The following PTPRT variants were observed in gnomAD, a reference collection of about 807,000 sequenced individuals.
PTPRT encodes protein tyrosine phosphatase receptor type T.
PTPRT carries 56 observed loss-of-function variants against 176.8 expected under a neutral mutation model. The ratio of observed to expected loss-of-function variants is 0.32; its 90% CI spans 0.26 to 0.40. The LOEUF is 0.40. Ranked by LOEUF, PTPRT falls within the 10% of genes least tolerant of loss-of-function variation. The pLI, the probability that PTPRT is intolerant of heterozygous loss-of-function variation, is 1.00. For missense variants in PTPRT, 1,540 were observed against 1,908.2 expected, an observed-to-expected ratio of 0.81 and a Z score of 3.60; for synonymous variants, 783 against 739.0, an observed-to-expected ratio of 1.06 and a Z score of -0.96.
chr20:42,660,046 G>GA (rs1300103613), intron 7 of PTPRT, among the ~76,000 whole-genome samples: 1 of 152,178 alleles, frequency 6.6e-6, no homozygotes, highest in African/African-American at 2.4e-5. Flanking sequence ...AAATGACAGT[G>GA]ATCATCTGAA....
intron 7 of PTPRT, among the ~76,000 whole-genome samples, chr20:42,527,445 G>A (rs139594686): frequency 9.8e-5 from 15 of 152,286 alleles, no homozygotes; most frequent in Non-Finnish European, 1.9e-4. Flanking sequence ...AGCCACAGAT[G>A]TCATCTCTCA....
intron 15 of PTPRT, among the ~76,000 whole-genome samples, chr20:42,227,731 C>T (rs1448826664): frequency 1.3e-5 from 2 of 151,398 alleles, no homozygotes; most frequent in South Asian, 2.1e-4. Flanking sequence ...CCTCAGCCTC[C>T]CAAGTAGCTG....
At chr20:42,437,729 T>C (rs1487711557) in intron 9 of PTPRT, among the ~76,000 whole-genome samples, 2 of 152,174 alleles carry the variant, frequency 1.3e-5, no homozygotes, top group Non-Finnish European at 2.9e-5. Flanking sequence ...AACCACCTGC[T>C]AGCTCCCGAG....
intron 1 of PTPRT, among the ~76,000 whole-genome samples, chr20:42,959,916 T>TCA (rs1981891163): frequency 6.6e-6 from 1 of 152,104 alleles, no homozygotes; most frequent in Admixed American, 6.5e-5. Flanking sequence ...TGGAGGGGAC[T>TCA]CACTCCTTAC....
chr20:42,560,292 G>T (rs779669779), intron 7 of PTPRT, among the ~76,000 whole-genome samples: 2 of 152,188 alleles, frequency 1.3e-5, no homozygotes, highest in Admixed American at 6.5e-5. Flanking sequence ...GGATGGCGAG[G>T]TTGGGCAGTG....
chr20:42,115,944 G>A (rs899685665), intron 21 of PTPRT: 31 of 686,528 alleles, frequency 4.5e-5, no homozygotes, highest in African/African-American at 3.9e-4. Flanking sequence ...GACCCTGGAC[G>A]CGAGCAAGCC....
At chr20:42,593,056 C>A (rs776737874) in intron 7 of PTPRT, among the ~76,000 whole-genome samples, 47 of 152,162 alleles carry the variant, frequency 3.1e-4, no homozygotes, top group Non-Finnish European at 1.2e-4. Context: ...AATCTTCCGA[C>A]TAAGTAATAG....
At chr20:42,478,733 A>AT (rs1218181612) in intron 7 of PTPRT, among the ~76,000 whole-genome samples, 8 of 151,524 alleles carry the variant, frequency 5.3e-5, no homozygotes, top group African/African-American at 4.9e-5. Flanking sequence ...CCTCGATGAC[A>AT]TTTTTTTTCC....
At chr20:42,909,684 A>G (rs1473198049) in intron 1 of PTPRT, among the ~76,000 whole-genome samples, 1 of 152,144 alleles carries the variant, frequency 6.6e-6, no homozygotes, top group African/African-American at 2.4e-5. Context: ...CCCATCCAGC[A>G]TTTACCAACC....
intron 12 of PTPRT, among the ~76,000 whole-genome samples, chr20:42,309,806 A>C (rs2057599428): frequency 1.3e-5 from 2 of 152,190 alleles, no homozygotes; most frequent in South Asian, 4.1e-4. Context: ...AGCTAAAAAA[A>C]CAAAAAACCC....
intron 9 of PTPRT, among the ~76,000 whole-genome samples, chr20:42,434,525 A>T (rs138711550): frequency 1.9e-3 from 282 of 152,232 alleles, no homozygotes; most frequent in South Asian, 5.4e-3. Flanking sequence ...AAGACTTGGG[A>T]CATAATCTTA....
intron 13 of PTPRT, among the ~76,000 whole-genome samples, chr20:42,262,370 C>T (rs548984749): frequency 2.0e-5 from 3 of 152,270 alleles, no homozygotes; most frequent in South Asian, 2.1e-4. Flanking sequence ...TGACTGCCCA[C>T]GATTCCTGCC....
intron 1 of PTPRT, among the ~76,000 whole-genome samples, chr20:42,988,787 CGGA>C (rs1361764881): frequency 4.6e-5 from 7 of 152,110 alleles, no homozygotes; most frequent in African/African-American, 1.7e-4. Flanking sequence ...AAGAGTCAAC[CGGA>C]GGGACATGCT....
chr20:43,042,613 G>A (rs191268455), intron 1 of PTPRT, among the ~76,000 whole-genome samples: 1 of 152,230 alleles, frequency 6.6e-6, no homozygotes, highest in Non-Finnish European at 1.5e-5. Flanking sequence ...AGAACAGAGA[G>A]CTCAATCTGT....
chr20:42,152,542 T>C (rs1483891896), intron 17 of PTPRT, among the ~76,000 whole-genome samples: 1 of 152,206 alleles, frequency 6.6e-6, no homozygotes, highest in East Asian at 1.9e-4. Context: ...AAAGGCCCAA[T>C]TAAAAGCTAC....
At chr20:42,242,339 C>A (rs2056370904) in intron 14 of PTPRT, among the ~76,000 whole-genome samples, 1 of 152,200 alleles carries the variant, frequency 6.6e-6, no homozygotes, top group African/African-American at 2.4e-5. Flanking sequence ...CTCTCCCATT[C>A]AACATGTTTT....
intron 1 of PTPRT, among the ~76,000 whole-genome samples, chr20:43,097,726 C>T (rs2012225236): frequency 6.6e-6 from 1 of 152,060 alleles, no homozygotes; most frequent in African/African-American, 2.4e-5. Flanking sequence ...ATCATTTTTT[C>T]CATATTCTTG....
chr20:43,046,533 G>A (rs1264035223), intron 1 of PTPRT, among the ~76,000 whole-genome samples: 1 of 138,024 alleles, frequency 7.2e-6, no homozygotes, highest in Non-Finnish European at 1.5e-5. Flanking sequence ...AACAGAGCGA[G>A]TCTCTGTCTC....
intron 7 of PTPRT, among the ~76,000 whole-genome samples, chr20:42,553,459 A>G (rs1420214606): frequency 6.6e-6 from 1 of 151,420 alleles, no homozygotes; most frequent in Non-Finnish European, 1.5e-5. Flanking sequence ...CCTCTCATGC[A>G]TGCTGTCTTC....
Sources: allele counts gnomAD v4.1 joint callset (sites outside exome capture counted in the v4.1 genomes callset), GRCh38; gene constraint gnomAD v4.1.1; transcripts MANE v1.5; gene names NCBI Gene and HGNC (gene_info 2026-07-23, HGNC 2026-07-21).